The following NPR3 variants were observed in gnomAD, a reference collection of about 807,000 sequenced individuals.
The protein encoded by NPR3 is natriuretic peptide receptor 3.
In NPR3, 34 loss-of-function variants were observed where a neutral mutation model predicts 54.5. The ratio of observed to expected loss-of-function variants is 0.62; its 90% CI spans 0.47 to 0.83. The LOEUF is 0.83. NPR3 is among the 40% of genes least tolerant of loss of function. NPR3 has a pLI of 0.00. For missense variants in NPR3, 674 were observed against 720.8 expected, an observed-to-expected ratio of 0.94 and a Z score of 0.74; for synonymous variants, 289 against 297.1, an observed-to-expected ratio of 0.97 and a Z score of 0.28.
At chr5:32,758,853 C>T (rs891814187) in intron 3 of NPR3, among the ~76,000 whole-genome samples, 20 of 152,220 alleles carry the variant, frequency 1.3e-4, no homozygotes, top group African/African-American at 2.9e-4. Flanking sequence ...GCCTTCATTT[C>T]GTTATGTACC....
chr5:32,723,249 G>A (rs553778959), intron 1 of NPR3, among the ~76,000 whole-genome samples: 9 of 152,296 alleles, frequency 5.9e-5, no homozygotes, highest in East Asian at 1.9e-4. Flanking sequence ...CAGTGGTACC[G>A]GTCATGGAGA....
intron 1 of NPR3, chr5:32,713,257 CT>C (rs1318176040): frequency 2.0e-6 from 2 of 985,452 alleles, no homozygotes. Flanking sequence ...GCGGGAGTGC[CT>C]TTTGAAGAAA....
chr5:32,714,765 G>A (rs1483666623), intron 1 of NPR3, among the ~76,000 whole-genome samples: 5 of 152,084 alleles, frequency 3.3e-5, no homozygotes, highest in Non-Finnish European at 5.9e-5. Context: ...TCTCTTAGGG[G>A]ACCTTTTAAA....
intron 3 of NPR3, among the ~76,000 whole-genome samples, chr5:32,747,814 G>A (rs1306728768): frequency 6.7e-6 from 1 of 150,306 alleles, no homozygotes; most frequent in Admixed American, 6.6e-5. Context: ...GGAGTGCAGT[G>A]GTGCCATCTC....
intron 3 of NPR3, among the ~76,000 whole-genome samples, chr5:32,757,263 A>C (rs1383086829): frequency 6.6e-6 from 1 of 152,046 alleles, no homozygotes; most frequent in Non-Finnish European, 1.5e-5. Flanking sequence ...ATTTGTTTGT[A>C]TCCTCTTTTA....
intron 3 of NPR3, among the ~76,000 whole-genome samples, chr5:32,752,239 A>G (rs990790826): frequency 1.4e-5 from 2 of 145,298 alleles, no homozygotes; most frequent in African/African-American, 5.5e-5. Flanking sequence ...AAACAAAAAC[A>G]AAAACAAAAA....
At chr5:32,728,953 T>C (rs2111908494) in intron 2 of NPR3, among the ~76,000 whole-genome samples, 1 of 145,972 alleles carries the variant, frequency 6.9e-6, no homozygotes, top group Admixed American at 6.8e-5. Context: ...CTTATAAACA[T>C]AGCCTAAAGA....
chr5:32,781,767 C>T (rs1403163651), intron 5 of NPR3, among the ~76,000 whole-genome samples: 1 of 152,100 alleles, frequency 6.6e-6, no homozygotes, highest in Admixed American at 6.6e-5. Context: ...AGGTGGGTAG[C>T]GACAGTTCAT....
intron 1 of NPR3, among the ~76,000 whole-genome samples, chr5:32,695,654 T>G (rs1204476362): frequency 3.3e-5 from 5 of 152,340 alleles, no homozygotes; most frequent in African/African-American, 1.2e-4. Context: ...GTACAAGAGT[T>G]CCCTTTTCTT....
upstream of NPR3, among the ~76,000 whole-genome samples, chr5:32,707,766 G>A (rs1165503160): frequency 6.6e-6 from 1 of 152,172 alleles, no homozygotes; most frequent in African/African-American, 2.4e-5. Flanking sequence ...GAGAAGAGTT[G>A]CAGAGACTGT....
At chr5:32,726,282 T>G (rs1739132787) in intron 2 of NPR3, among the ~76,000 whole-genome samples, 1 of 152,168 alleles carries the variant, frequency 6.6e-6, no homozygotes, top group African/African-American at 2.4e-5. Context: ...TCATTGTGCA[T>G]ATACAGATAA....
intron 2 of NPR3, among the ~76,000 whole-genome samples, chr5:32,726,986 C>T (rs756285394): frequency 1.2e-4 from 18 of 152,124 alleles, no homozygotes; most frequent in Non-Finnish European, 2.2e-4. Flanking sequence ...TTGTTCCCAG[C>T]TTTTTGCTAT....
chr5:32,720,354 C>T (rs1738787214), intron 1 of NPR3, among the ~76,000 whole-genome samples: 1 of 152,154 alleles, frequency 6.6e-6, no homozygotes, highest in African/African-American at 2.4e-5. Flanking sequence ...AGGTTTCTCC[C>T]AATGAAAACT....
intron 1 of NPR3, among the ~76,000 whole-genome samples, chr5:32,695,191 G>A (rs1300659386): frequency 6.6e-6 from 1 of 152,200 alleles, no homozygotes; most frequent in South Asian, 2.1e-4. Flanking sequence ...TCTCTTCAGT[G>A]TACTGATTTC....
rs546720408 is a variant in NPR3 at position 32,738,984 on chromosome 5, A to C, written c.1013A>C (p.Glu338Ala). The change falls in exon 3 of 8, where the codon GAG becomes GCG. Residue 338 changes from glutamate to alanine, a missense_variant. Transcript: ENST00000265074. ...CCTGAGTTTGAGAAGTTTTCCATGG[A>C]GGTGAAAAGTTCAGTTGAGAAACAA... ...VKPEFEKFSM[E>A]VKSSVEKQGL... 4 of 1,613,976 alleles carry C rather than the reference A, an allele frequency of 2.5e-6. No individual in the cohort carries two copies. Among genetic ancestry groups the C allele is most frequent in the Non-Finnish European group, 3.4e-6 (4 of 1,179,870 alleles).
At position 32,790,383 on chromosome 5, in the gene NPR3, A is replaced by G; in HGVS notation, c.*4038A>G. ...CCACATCCACATTCAGCATCACTCC[A>G]AGGATGTGTCAGCATCTTGCCCATG... is the stretch of plus-strand genomic sequence containing the variant. On this transcript the variant is annotated 3_prime_UTR_variant, in exon 8 of 8. Transcript: ENST00000265074. 1 of 167,588 alleles carries G rather than the reference A, an allele frequency of 6.0e-6. No individual in the cohort carries two copies. The highest frequency in any genetic ancestry group is 1.5e-5 in the Non-Finnish European group (1 of 68,342). The allele number at this position is 167,588 out of a possible 1,614,324, so 10.4% of individuals were successfully genotyped here.
At chr5:32,740,194 C>T (rs1343677888) in intron 3 of NPR3, among the ~76,000 whole-genome samples, 2 of 152,206 alleles carry the variant, frequency 1.3e-5, no homozygotes, top group African/African-American at 4.8e-5. Context: ...CTGGCATTGG[C>T]CTCAGAGCTG....
chr5:32,772,230 T>C (rs1173737), intron 3 of NPR3, among the ~76,000 whole-genome samples: 8,134 of 152,300 alleles, frequency 0.053, 648 homozygotes, highest in African/African-American at 0.18. Flanking sequence ...TCTATCAGTT[T>C]CTTCCACGGT....
chr5:32,695,652 G>A (rs1343168501), intron 1 of NPR3, among the ~76,000 whole-genome samples: 5 of 152,322 alleles, frequency 3.3e-5, no homozygotes, highest in African/African-American at 1.2e-4. Flanking sequence ...GTGTACAAGA[G>A]TTCCCTTTTC....
Sources: gnomAD v4.1 joint callset for allele counts (sites outside exome capture counted in the v4.1 genomes callset) on GRCh38, gnomAD v4.1.1 for gene constraint, MANE v1.5 for transcripts, NCBI Gene and HGNC (gene_info 2026-07-23, HGNC 2026-07-21) for gene names.